ACSL4: variants seen among roughly 807,000 people sequenced by gnomAD.
ACSL4 encodes acyl-CoA synthetase long chain family member 4, also known as long-chain-fatty-acid--CoA ligase 4.
Under a neutral mutation model 49.1 loss-of-function variants are expected in ACSL4, and 9 were observed. That is an observed-to-expected ratio of 0.18 (90% CI 0.11 to 0.32). The LOEUF (loss-of-function observed/expected upper bound fraction) is 0.32, where lower values mean the gene tolerates loss of function less well. Ranked by LOEUF, ACSL4 falls within the 10% of genes least tolerant of loss-of-function variation. The pLI is 1.00. For missense variants in ACSL4, 333 were observed against 493.7 expected (o/e 0.67, Z 3.08); for synonymous variants, 191 against 170.3 (o/e 1.12, Z -0.95).
chrX:109,659,662 A>G (rs1922004781), intron 14 of ACSL4, 151 bp from the exon 15 acceptor site: 2 of 437,557 alleles, frequency 4.6e-6, no homozygotes, highest in African/African-American at 2.5e-5. Flanking sequence ...CCATAGTACC[A>G]GCATAAAGAA....
At chrX:109,731,871 C>T (rs1928484248) in intron 1 of ACSL4, among the ~76,000 whole-genome samples, 2 of 112,304 alleles carry the variant, frequency 1.8e-5, no homozygotes, top group South Asian at 7.3e-4. Context: ...GACCGATATG[C>T]TCAATGGCAG....
At chrX:109,645,072 C>A (rs1934602071) in intron 15 of ACSL4, among the ~76,000 whole-genome samples, 1 of 112,894 alleles carries the variant, frequency 8.9e-6, no homozygotes, top group Admixed American at 9.3e-5. Flanking sequence ...GATCAAACTG[C>A]AAGGTGGCAG....
At chrX:109,726,804 G>A (rs1928032849) in intron 1 of ACSL4, among the ~76,000 whole-genome samples, 1 of 111,494 alleles carries the variant, frequency 9.0e-6, no homozygotes, top group Non-Finnish European at 1.9e-5. Context: ...TCAGCCTCTG[G>A]AGTAGCAAAG....
At chrX:109,663,065 G>A in intron 13 of ACSL4, 146 bp downstream of exon 13, 1 of 503,247 alleles carries the variant, frequency 2.0e-6, no homozygotes, top group Non-Finnish European at 3.2e-6. Context: ...TTTTGCTGAT[G>A]GAGAAGCTCA....
chrX:109,667,892 C>CAA (rs1208639189), intron 11 of ACSL4, among the ~76,000 whole-genome samples: 1 of 82,297 alleles, frequency 1.2e-5, no homozygotes, highest in Admixed American at 1.4e-4. Context: ...AACTCCATCT[C>CAA]AAAAAAAAAA....
rs1373567543 is a variant in ACSL4, at chrX:109,663,358, C to T, written c.1435G>A (p.Val479Ile). The change falls in exon 13 of 16, where the codon GTA becomes ATA. Residue 479 changes from valine (V) to isoleucine (I), a missense_variant. Transcript: ENST00000672401. ...ATGGAGATGTTCTGTCCACCAATTA[C>T]GATTTCACCTCTGGGGTTTGGCTTG... ...NDKPNPRGEIVIGGQNISMGY... is the reference protein window; with the variant it reads ...NDKPNPRGEIIIGGQNISMGY... 9 of 1,208,878 alleles carry T rather than the reference C, an allele frequency of 7.4e-6. No homozygotes were observed. Among genetic ancestry groups the T allele is most frequent in the Admixed American group, 4.4e-5 (2 of 45,678 alleles).
At chrX:109,695,412 C>G (rs763812894) in intron 2 of ACSL4, among the ~76,000 whole-genome samples, 1 of 109,307 alleles carries the variant, frequency 9.1e-6, no homozygotes, top group South Asian at 4.0e-4. Context: ...GGATTTAACT[C>G]CATCAATAAT....
chrX:109,705,054 T>C (rs1384660220), intron 1 of ACSL4, among the ~76,000 whole-genome samples: 1 of 111,672 alleles, frequency 9.0e-6, no homozygotes, highest in Non-Finnish European at 1.9e-5. Flanking sequence ...TCCGAACTCA[T>C]TGAGTTGTAT....
intron 15 of ACSL4, among the ~76,000 whole-genome samples, chrX:109,653,737 T>C (rs1285530535): frequency 3.7e-5 from 4 of 108,862 alleles, no homozygotes; most frequent in African/African-American, 6.7e-5. Context: ...TTCTCACTTA[T>C]AGATGGGAAT....
intron 1 of ACSL4, among the ~76,000 whole-genome samples, chrX:109,699,772 A>C (rs762477601): frequency 9.0e-6 from 1 of 111,704 alleles, no homozygotes; most frequent in Non-Finnish European, 1.9e-5. Context: ...ATTTTCAAAA[A>C]TAAAAATTGT....
intron 9 of ACSL4, among the ~76,000 whole-genome samples, chrX:109,670,242 A>G (rs1036379481): frequency 1.8e-5 from 2 of 111,568 alleles, no homozygotes; most frequent in African/African-American, 6.5e-5. Context: ...AGTTCTTTCA[A>G]TATTAGAATA....
rs1934491960 is a variant in ACSL4 at position 109,642,993 on chromosome X, G to A, written c.*1036C>T. 8.9e-6 allele frequency: 1 copy of A among 111,974 alleles called. No homozygotes were observed. The highest frequency in any genetic ancestry group is 3.3e-5 in the African/African-American group (1 of 30,758). The allele number at this position is 111,974 out of a possible 1,213,427, so 9.2% of individuals were successfully genotyped here. A position where few individuals can be genotyped will look rare whatever the true frequency, so the allele number is the denominator to read the frequency against. On this transcript the variant is annotated 3_prime_UTR_variant, in exon 16 of 16. Transcript: ENST00000672401. ...AGCAAAATGAAAGGCTTTCTGAAAT[G>A]CAAACTACTGATCAAGAATAAAATC...
intron 9 of ACSL4, among the ~76,000 whole-genome samples, chrX:109,670,678 G>A (rs1218849188): frequency 7.2e-4 from 79 of 110,119 alleles, no homozygotes; most frequent in African/African-American, 2.5e-3. Flanking sequence ...GATGCCGAGC[G>A]GAGGCTGGAC....
intron 15 of ACSL4, among the ~76,000 whole-genome samples, chrX:109,647,602 A>C (rs779336138): frequency 2.5e-3 from 284 of 111,610 alleles, no homozygotes; most frequent in Middle Eastern, 4.6e-3. Flanking sequence ...CCTAACATCA[A>C]AATTAAAAGA....
chrX:109,662,448 A>T (rs1330508328), intron 13 of ACSL4, among the ~76,000 whole-genome samples: 1 of 111,507 alleles, frequency 9.0e-6, no homozygotes, highest in Non-Finnish European at 1.9e-5. Context: ...CGTGAGGTCC[A>T]GCGATGGATT....
chrX:109,687,283 T>C (rs758507903), intron 2 of ACSL4, among the ~76,000 whole-genome samples: 1 of 112,480 alleles, frequency 8.9e-6, no homozygotes, highest in South Asian at 3.7e-4. Context: ...GTGGTAAGGG[T>C]ATGATGCTGA....
chrX:109,702,643 G>A (rs770908807), intron 1 of ACSL4, among the ~76,000 whole-genome samples: 2 of 111,819 alleles, frequency 1.8e-5, no homozygotes, highest in South Asian at 7.5e-4. Flanking sequence ...GTTGATTACG[G>A]GGCTGAGGCA....
At chrX:109,667,614 G>A (rs747796416) in intron 11 of ACSL4, among the ~76,000 whole-genome samples, 26 of 112,359 alleles carry the variant, frequency 2.3e-4, no homozygotes, top group Non-Finnish European at 4.7e-4. Flanking sequence ...TTTATAAGGC[G>A]ACCGGGCGTG....
chrX:109,679,498 A>C (rs1458252018), intron 6 of ACSL4, among the ~76,000 whole-genome samples: 2 of 112,555 alleles, frequency 1.8e-5, no homozygotes, highest in Non-Finnish European at 3.7e-5. Flanking sequence ...AGATAGTTAC[A>C]CTTAAACTGG....
Sources: allele counts gnomAD v4.1 joint callset (sites outside exome capture counted in the v4.1 genomes callset), GRCh38; gene constraint gnomAD v4.1.1; transcripts MANE v1.5; gene names NCBI Gene and HGNC (gene_info 2026-07-23, HGNC 2026-07-21).